EBLN1: variants seen among roughly 807,000 people sequenced by gnomAD.
The protein encoded by EBLN1 is endogenous Bornavirus like nucleoprotein 1, also known as endogenous Bornavirus-like nucleoprotein 1.
EBLN1 carries 1 observed loss-of-function variant against 0.8 expected under a neutral mutation model. The ratio of observed to expected loss-of-function variants is 1.32; its 90% confidence interval spans 0.47 to 6.26. The LOEUF (loss-of-function observed/expected upper bound fraction) is 6.26, where lower values mean the gene tolerates loss of function less well. EBLN1 is among the 30% of genes most tolerant of loss of function. The pLI, the probability that EBLN1 is intolerant of heterozygous loss-of-function variation, is 0.15. For synonymous variants in EBLN1, 158 were observed against 158.5 expected (o/e 1.00, Z 0.02); for missense variants, 396 against 447.9 (o/e 0.88, Z 1.05).
Position 22,209,862 on chromosome 10 carries a change from G to T in EBLN1, c.122C>A (p.Ala41Glu), listed in dbSNP as rs1834731830. ...ACCAGGTTGGGGCTCCAATGCATCT[G>T]CTGGATACTGTCTGCTCTTCCCAGA... ...ELSGKSRQYP[A>E]DALEPQPGIG... The change falls in exon 3 of 3, where the codon GCA becomes GAA. Residue 41 changes from alanine to glutamate, a missense_variant. Coordinates refer to ENST00000422359, the MANE Select transcript of EBLN1 (RefSeq NM_001394757.1). 6.6e-7 allele frequency: 1 copy of T among 1,523,908 alleles called. No individual in the cohort carries two copies. The highest frequency in any genetic ancestry group is 8.8e-7 in the Non-Finnish European group (1 of 1,141,822). The allele number at this position is 1,523,908 out of a possible 1,614,324, so 94.4% of individuals were successfully genotyped here.
At chr10:22,217,486 C>G (rs1251400778) in intron 1 of EBLN1, among the ~76,000 whole-genome samples, 1 of 152,208 alleles carries the variant, frequency 6.6e-6, no homozygotes, top group Non-Finnish European at 1.5e-5. Context: ...AAAACATATC[C>G]TCTGCTTTTT....
chr10:22,215,938 C>G (rs1378894682), intron 1 of EBLN1, among the ~76,000 whole-genome samples: 1 of 151,974 alleles, frequency 6.6e-6, no homozygotes, highest in Non-Finnish European at 1.5e-5. Flanking sequence ...AATGACAGTA[C>G]AAAATTGTAT....
intron 2 of EBLN1, among the ~76,000 whole-genome samples, chr10:22,210,425 C>T (rs1474330131): frequency 1.3e-5 from 2 of 152,186 alleles, no homozygotes; most frequent in African/African-American, 4.8e-5. Flanking sequence ...AACAAAACTT[C>T]TAACAAAGCC....
At chr10:22,212,415 A>G (rs1428509859) in intron 2 of EBLN1, among the ~76,000 whole-genome samples, 5 of 152,236 alleles carry the variant, frequency 3.3e-5, no homozygotes, top group African/African-American at 1.2e-4. Context: ...AGTAGGATAC[A>G]TATACTAAAT....
chr10:22,209,970 C>G lies in EBLN1; in HGVS notation c.14G>C (p.Arg5Thr). Reference protein sequence around the residue: MSRPRNNPQTSSPQD... With the variant: MSRPTNNPQTSSPQD... Reference sequence around the variant, plus strand: ...TGGGCTGCTGGTCTGTGGGTTGTTTCTTGGGCGGGACATTGTGGGTGATTG... The same window carrying G: ...TGGGCTGCTGGTCTGTGGGTTGTTTGTTGGGCGGGACATTGTGGGTGATTG... Residue 5 changes from arginine (R) to threonine (T), a missense_variant, in exon 3 of 3, where the codon AGA (arginine) becomes ACA (threonine). Physicochemically the swap from Arg to Thr is moderately conservative, Grantham distance 71 (BLOSUM62 -1). Transcript: ENST00000422359. 7.1e-7 allele frequency: 1 copy of G among 1,416,314 alleles called. No homozygotes were observed. The highest frequency in any genetic ancestry group is 2.9e-5 in the Admixed American group (1 of 34,768). 87.7% of individuals were successfully genotyped at this position (1,416,314 alleles called of 1,614,324 possible).
intron 1 of EBLN1, among the ~76,000 whole-genome samples, chr10:22,215,565 T>C (rs1377631949): frequency 6.6e-6 from 1 of 152,152 alleles, no homozygotes; most frequent in East Asian, 1.9e-4. Flanking sequence ...CTGCTAGAAG[T>C]ATGGCAAAAC....
At position 22,209,084 on chromosome 10, in the gene EBLN1, G is replaced by A; in HGVS notation, c.900C>T (p.Asn300=). 1 of 1,536,640 alleles carries A rather than the reference G, an allele frequency of 6.5e-7. No homozygotes were observed. The highest frequency in any genetic ancestry group is 8.7e-7 in the Non-Finnish European group (1 of 1,146,904). ...IGVLSPQMFP[N]LATAANYWAK... ...CCCAGTAGTTTGCTGCTGTTGCTAG[G>A]TTTGGGAACATTTGTGGTGATAGCA... is the stretch of plus-strand genomic sequence containing the variant. The change falls in exon 3 of 3, where the codon AAC becomes AAT. Residue 300 remains asparagine, a synonymous_variant. Transcript: ENST00000422359.
intron 1 of EBLN1, among the ~76,000 whole-genome samples, chr10:22,216,592 T>A (rs1398418870): frequency 6.6e-6 from 1 of 152,230 alleles, no homozygotes; most frequent in Non-Finnish European, 1.5e-5. Flanking sequence ...GTGGTTTTAT[T>A]TCAAAAACTT....
rs1406965134 is a variant in EBLN1 at position 22,209,472 on chromosome 10, G to C, written c.512C>G (p.Ser171Cys). Residue 171 changes from serine to cysteine, a missense_variant, in exon 3 of 3, where the codon TCC becomes TGC. Transcript: ENST00000422359. ...TTCACTATGCAAAGGTCTTCCAATG[G>C]ATATCATCATTGCCTTGAATTGTCT... ...VQRQFKAMMI[S>C]IGRPLHSESA... The C allele has an allele frequency of 1.9e-6, 3 of 1,596,756 alleles. No homozygotes were observed. In the African/African-American group the frequency reaches 4.0e-5, roughly 21 times the overall value.
intron 1 of EBLN1, among the ~76,000 whole-genome samples, chr10:22,216,770 A>C (rs1471586984): frequency 6.6e-6 from 1 of 152,246 alleles, no homozygotes; most frequent in Non-Finnish European, 1.5e-5. Context: ...CGGAGTATAA[A>C]TCTTCAGAAA....
chr10:22,209,970 C>A lies in EBLN1; in HGVS notation c.14G>T (p.Arg5Ile). Residue 5 changes from arginine to isoleucine, a missense_variant, in exon 3 of 3, where the codon AGA (arginine) becomes ATA (isoleucine). Transcript: ENST00000422359. Reference sequence around the variant, plus strand: ...TGGGCTGCTGGTCTGTGGGTTGTTTCTTGGGCGGGACATTGTGGGTGATTG... The same window carrying A: ...TGGGCTGCTGGTCTGTGGGTTGTTTATTGGGCGGGACATTGTGGGTGATTG... MSRP[R>I]NNPQTSSPQD... 1 of 1,416,314 alleles carries A rather than the reference C, an allele frequency of 7.1e-7. No homozygotes were observed. 87.7% of individuals were successfully genotyped at this position (1,416,314 alleles called of 1,614,324 possible).
At chr10:22,210,999 T>C (rs1328628973) in intron 2 of EBLN1, among the ~76,000 whole-genome samples, 1 of 152,218 alleles carries the variant, frequency 6.6e-6, no homozygotes, top group African/African-American at 2.4e-5. Context: ...TTTTAAGATA[T>C]AATATTGCAT....
chr10:22,211,145 G>C (rs559930329), intron 2 of EBLN1, among the ~76,000 whole-genome samples: 1 of 151,982 alleles, frequency 6.6e-6, no homozygotes, highest in South Asian at 2.1e-4. Context: ...TTCTTTTCTC[G>C]TCTCTTAATG....
chr10:22,209,751 C>T lies in EBLN1; in HGVS notation c.233G>A (p.Ser78Asn). The T allele has an allele frequency of 6.5e-7, 1 of 1,535,884 alleles. No individual in the cohort carries two copies. The change falls in exon 3 of 3, where the codon AGC (serine) becomes AAC (asparagine). Residue 78 changes from serine (S) to asparagine (N), a missense_variant. By Grantham distance (46) the Ser-to-Asn change is conservative (BLOSUM62 1). Transcript: ENST00000422359. ...GAATATAAAACACAAAAATACTAAG[C>T]TTGGGGTTACAAGGTAAAAATGAGA... ...QRSHFYLVTP[S>N]LVFLCFIFDG...
chr10:22,210,528 A>G (rs191799714), intron 2 of EBLN1, among the ~76,000 whole-genome samples: 6 of 152,328 alleles, frequency 3.9e-5, no homozygotes, highest in East Asian at 3.9e-4. Flanking sequence ...TTTTCCCTAA[A>G]TAAGGAGCCT....
rs915124625 is a variant in EBLN1, at chr10:22,212,934, T to G, written c.-137A>C. ...GTGAGCTATGATCATACCACTGCAC[T>G]CCAGCCTGGCCAACAGAGTGAGATC... On this transcript the variant is annotated 5_prime_UTR_variant, in exon 2 of 3. Coordinates refer to ENST00000422359, the MANE Select transcript of EBLN1 (RefSeq NM_001394757.1). 6.7e-6 allele frequency among the ~76,000 whole-genome samples: 1 copy of G among 149,242 alleles called. No homozygotes were observed. The highest frequency in any genetic ancestry group is 1.5e-5 in the Non-Finnish European group (1 of 67,552).
intron 1 of EBLN1, among the ~76,000 whole-genome samples, chr10:22,215,602 A>T (rs1834786591): frequency 6.6e-6 from 1 of 152,218 alleles, no homozygotes; most frequent in Non-Finnish European, 1.5e-5. Context: ...AGCCATTGAA[A>T]GTGCAAATTG....
intron 2 of EBLN1, among the ~76,000 whole-genome samples, chr10:22,211,899 G>T (rs1191175230): frequency 6.6e-6 from 1 of 152,142 alleles, no homozygotes; most frequent in Non-Finnish European, 1.5e-5. Context: ...GTCACTTAAA[G>T]CTGCTTGTGT....
chr10:22,211,377 T>G (rs145635537), intron 2 of EBLN1, among the ~76,000 whole-genome samples: 2 of 152,232 alleles, frequency 1.3e-5, no homozygotes, highest in African/African-American at 4.8e-5. Context: ...ATCCTAAAAC[T>G]TCATGGATTT....
Sources: allele counts gnomAD v4.1 joint callset (sites outside exome capture counted in the v4.1 genomes callset), GRCh38; gene constraint gnomAD v4.1.1; transcripts MANE v1.5; gene names NCBI Gene and HGNC (gene_info 2026-07-23, HGNC 2026-07-21).